The following DHX37 variants were observed in gnomAD, a reference collection of about 807,000 sequenced individuals.
DHX37 encodes the protein DEAH-box helicase 37.
DHX37 carries 52 observed loss-of-function variants against 134.3 expected under a neutral mutation model. The observed-to-expected ratio is 0.39, with a 90% CI of 0.31 to 0.49. The LOEUF (loss-of-function observed/expected upper bound fraction) is 0.49. Ranked by LOEUF, DHX37 falls within the 20% of genes least tolerant of loss-of-function variation. The pLI is 0.93. For missense variants in DHX37, 1,344 were observed against 1,580.8 expected (o/e 0.85, Z 2.54); for synonymous variants, 634 against 670.7 (o/e 0.95, Z 0.85).
At chr12:124,976,271 G>A (rs555420893) in intron 5 of DHX37, among the ~76,000 whole-genome samples, 15 of 152,312 alleles carry the variant, frequency 9.8e-5, no homozygotes, top group South Asian at 4.1e-4. Flanking sequence ...TCTGCTGATC[G>A]CGTCCTTCGC....
At chr12:124,966,737 C>T in intron 12 of DHX37, 56 bp downstream of exon 12, 3 of 1,572,124 alleles carry the variant, frequency 1.9e-6, no homozygotes, top group Non-Finnish European at 2.6e-6. Flanking sequence ...CTGGTAGCTG[C>T]CATCCTGGAC....
chr12:124,950,455 G>T lies in DHX37; in HGVS notation c.3079C>A (p.Pro1027Thr). Residue 1027 changes from proline to threonine, a missense_variant, in exon 23 of 27, where the codon CCC (proline) becomes ACC (threonine). Pro to Thr is a conservative substitution (Grantham distance 38, BLOSUM62 -1). Coordinates refer to ENST00000308736, the MANE Select transcript of DHX37 (RefSeq NM_032656.4). The part of the protein sequence containing the change: ...PLEEPAPTYC[P>T]ERGRVLCHRA... The stretch of plus-strand genomic sequence containing the variant: ...TGACACAGCACCCGCCCCCGCTCGG[G>T]GCAGTATGTAGGGGCTGGTTCCTCC... 6.3e-7 allele frequency: 1 copy of T among 1,590,156 alleles called. No individual in the cohort carries two copies. The highest frequency in any genetic ancestry group is 1.1e-5 in the South Asian group (1 of 87,844).
At chr12:124,983,555 C>A (rs151159902) in intron 2 of DHX37, among the ~76,000 whole-genome samples, 1 of 151,588 alleles carries the variant, frequency 6.6e-6, no homozygotes, top group Admixed American at 6.6e-5. Flanking sequence ...GAGGCCGAGG[C>A]GGGTGGATCA....
chr12:124,989,122 C>T lies in DHX37; in HGVS notation c.-100G>A, dbSNP rs1954932566. 1.4e-6 allele frequency: 1 copy of T among 727,910 alleles called. No individual in the cohort carries two copies. Among genetic ancestry groups the T allele is most frequent in the Admixed American group, 4.3e-5 (1 of 23,052 alleles). 45.1% of individuals were successfully genotyped at this position (727,910 alleles called of 1,614,324 possible). A position where few individuals can be genotyped will look rare whatever the true frequency, so the allele number is the denominator to read the frequency against. ...CAGACCACCAACTCCGGCCGTGAGA[C>T]TTCCGGGTTGTGTTATCGCGAGAAC... On this transcript the variant is annotated 5_prime_UTR_variant, in exon 1 of 27. Coordinates refer to ENST00000308736, the MANE Select transcript of DHX37 (RefSeq NM_032656.4).
chr12:124,977,771 T>G (rs998620709), intron 4 of DHX37, among the ~76,000 whole-genome samples: 17 of 151,774 alleles, frequency 1.1e-4, no homozygotes, highest in Non-Finnish European at 1.9e-4. Context: ...CTGGCAGGAG[T>G]CTCAATTAAC....
intron 3 of DHX37, among the ~76,000 whole-genome samples, chr12:124,981,402 G>A (rs1954757166): frequency 1.3e-5 from 2 of 152,190 alleles, no homozygotes; most frequent in Non-Finnish European, 1.5e-5. Context: ...CAGCAGCTTG[G>A]TGGGGACACT....
intron 20 of DHX37, 63 bp from the exon 21 acceptor site, chr12:124,952,633 C>A (rs1594473018): frequency 2.7e-6 from 4 of 1,485,076 alleles, no homozygotes; most frequent in Non-Finnish European, 3.6e-6. Context: ...CTGCCCTGAC[C>A]TCCTAGAAAG....
Position 124,968,862 on chromosome 12 carries a change from G to A in DHX37, c.1293+5C>T, listed in dbSNP as rs1321875084. 1.2e-6 allele frequency: 2 copies of A among 1,613,934 alleles called. No homozygotes were observed. The highest frequency in any genetic ancestry group is 1.1e-5 in the South Asian group (1 of 91,078). The stretch of plus-strand genomic sequence containing the variant: ...GCTCACAGAGGACATGGGACCCTGT[G>A]TTACCTTGATGACCGGCGGCGGCTT... On this transcript the variant is annotated splice_donor_5th_base_variant and intron_variant, in intron 9 of 26. Coordinates refer to ENST00000308736, the MANE Select transcript of DHX37 (RefSeq NM_032656.4).
intron 4 of DHX37, 141 bp from the exon 5 acceptor site, chr12:124,977,631 ACCAGGAGCCATGGT>A (rs140881522): frequency 0.027 from 26,056 of 970,742 alleles, 556 homozygotes; most frequent in Middle Eastern, 0.085. Context: ...TGGGGAGGGG[ACCAGGAGCCATGGT>A]CCAGGAGAGA....
intron 10 of DHX37, 97 bp downstream of exon 10, chr12:124,968,437 T>C: frequency 1.3e-6 from 2 of 1,558,690 alleles, no homozygotes; most frequent in Non-Finnish European, 8.6e-7. Flanking sequence ...TCAAGGGACT[T>C]TTCTGAGCCA....
At chr12:124,962,453 C>T (rs574776639) in intron 15 of DHX37, among the ~76,000 whole-genome samples, 2 of 151,960 alleles carry the variant, frequency 1.3e-5, no homozygotes, top group East Asian at 3.9e-4. Flanking sequence ...GTCAGGAGTT[C>T]AAGACCAGCC....
At chr12:124,982,161 C>G (rs1334987291) in intron 3 of DHX37, among the ~76,000 whole-genome samples, 1 of 151,388 alleles carries the variant, frequency 6.6e-6, no homozygotes, top group Admixed American at 6.6e-5. Context: ...ACAAACCAAA[C>G]CAAACCCGCT....
chr12:124,976,725 G>A (rs1323963675), intron 5 of DHX37, among the ~76,000 whole-genome samples: 3 of 152,110 alleles, frequency 2.0e-5, no homozygotes, highest in African/African-American at 4.8e-5. Context: ...AGCTACTTGG[G>A]AGGCTGAGGC....
chr12:124,953,644 C>T (rs569000855), intron 20 of DHX37: 36 of 660,770 alleles, frequency 5.4e-5, no homozygotes, highest in East Asian at 4.6e-4. Flanking sequence ...TGAAACCGAG[C>T]GACGACCTGG....
intron 6 of DHX37, among the ~76,000 whole-genome samples, chr12:124,975,088 T>C (rs1264929156): frequency 1.3e-5 from 2 of 152,206 alleles, no homozygotes; most frequent in Non-Finnish European, 2.9e-5. Context: ...GATTTTGTAC[T>C]TTAGAACCTT....
At chr12:124,961,276 ACGCACACACACTTACACG>A (rs1954253861) in intron 15 of DHX37, among the ~76,000 whole-genome samples, 1 of 106,474 alleles carries the variant, frequency 9.4e-6, no homozygotes, top group Non-Finnish European at 2.0e-5. Flanking sequence ...ACACGCGTGC[ACGCACACACACTTACACG>A]CGTGCACGCA....
At chr12:124,961,773 A>T (rs531894651) in intron 15 of DHX37, among the ~76,000 whole-genome samples, 76 of 152,298 alleles carry the variant, frequency 5.0e-4, no homozygotes, top group Admixed American at 1.6e-3. Flanking sequence ...TAACCTAATT[A>T]AAAAATGAGC....
chr12:124,978,664 G>A (rs995007614), intron 4 of DHX37, among the ~76,000 whole-genome samples: 1 of 148,372 alleles, frequency 6.7e-6, no homozygotes, highest in African/African-American at 2.5e-5. Flanking sequence ...GATGGCTCAC[G>A]CCTGTAATCC....
Position 124,986,246 on chromosome 12 carries a change from T to G in DHX37, c.126A>C (p.Gly42=). The change falls in exon 2 of 27, where the codon GGA becomes GGC. Residue 42 remains glycine, a synonymous_variant. Transcript: ENST00000308736. ...LELEDKDTLK[G]VDASNALVLP... ...GAACGAGCGCGTTGCTTGCATCAAC[T>G]CCCTTCAACGTGTCCTTGTCTGAGA... 1 of 1,614,002 alleles carries G rather than the reference T, an allele frequency of 6.2e-7. No homozygotes were observed. Among genetic ancestry groups the G allele is most frequent in the Non-Finnish European group, 8.5e-7 (1 of 1,180,004 alleles).
Sources: gnomAD v4.1 joint callset for allele counts (sites outside exome capture counted in the v4.1 genomes callset) on GRCh38, gnomAD v4.1.1 for gene constraint, MANE v1.5 for transcripts, NCBI Gene and HGNC (gene_info 2026-07-23, HGNC 2026-07-21) for gene names.